DENND4C: variants seen among roughly 807,000 people sequenced by gnomAD.
The protein encoded by DENND4C is DENN domain-containing protein 4C.
A neutral mutation model predicts 203.0 loss-of-function variants in DENND4C; 108 were observed. That is an observed-to-expected ratio of 0.53 (90% CI 0.46 to 0.62). The LOEUF (loss-of-function observed/expected upper bound fraction) is 0.62, where lower values mean the gene tolerates loss of function less well. Among genes scored for constraint, DENND4C ranks in the 20% least tolerant of loss-of-function variants. The pLI, the probability that DENND4C is intolerant of heterozygous loss-of-function variation, is 0.00. For missense variants in DENND4C, 2,481 were observed against 2,301.2 expected, an observed-to-expected ratio of 1.08 and a Z score of -1.60; for synonymous variants, 871 against 792.4, an observed-to-expected ratio of 1.10 and a Z score of -1.67.
intron 26 of DENND4C, among the ~76,000 whole-genome samples, chr9:19,354,535 C>T (rs1360846119): frequency 1.4e-5 from 2 of 142,036 alleles, no homozygotes; most frequent in Admixed American, 7.1e-5. Flanking sequence ...CTCTTCATTA[C>T]TTGTTATTCT....
Position 19,325,937 on chromosome 9 carries a change from A to G in DENND4C, c.1954-2A>G. The stretch of plus-strand genomic sequence containing the variant: ...TTAAGAATCTGTTTTCTTTTTTTCT[A>G]GTTGTTTCCTGATAAAGGCACAGAG... On this transcript the variant is annotated splice_acceptor_variant, in intron 13 of 32. Transcript: ENST00000434457. LOFTEE classifies it high-confidence loss of function. The G allele has an allele frequency of 6.2e-7, 1 of 1,601,490 alleles. No individual in the cohort carries two copies. The highest frequency in any genetic ancestry group is 8.5e-7 in the Non-Finnish European group (1 of 1,174,224).
rs2132388109 is a variant in DENND4C, at chr9:19,372,861, A to AAC, written c.*689_*690insCA. Reference sequence around the variant, plus strand: ...GGGTGACAGAGTGAGACCGTCTCAAAAAAAAAAAAAAAAAAAAAAGAGAGC... The same window carrying AAC: ...GGGTGACAGAGTGAGACCGTCTCAAAACAAAAAAAAAAAAAAAAAAAGAGAGC... On this transcript the variant is annotated 3_prime_UTR_variant, in exon 33 of 33. Transcript: ENST00000434457. The AAC allele has an allele frequency of 6.8e-6, 1 of 147,666 alleles. No individual in the cohort carries two copies. The highest frequency in any genetic ancestry group is 2.6e-5 in the African/African-American group (1 of 38,540). The allele number at this position is 147,666 out of a possible 1,614,324, so 9.1% of individuals were successfully genotyped here. A position where few individuals can be genotyped will look rare whatever the true frequency, so the allele number is the denominator to read the frequency against.
At chr9:19,250,025 G>A (rs149169060) in intron 1 of DENND4C, among the ~76,000 whole-genome samples, 2 of 152,258 alleles carry the variant, frequency 1.3e-5, no homozygotes, top group Admixed American at 6.5e-5. Context: ...GTGGCTGGGC[G>A]CTGTAGCTAA....
intron 1 of DENND4C, among the ~76,000 whole-genome samples, chr9:19,263,526 T>C (rs1829846643): frequency 6.6e-6 from 1 of 151,784 alleles, no homozygotes; most frequent in South Asian, 2.1e-4. Flanking sequence ...CCTGCTAATT[T>C]TTTTGTGTTT....
intron 1 of DENND4C, among the ~76,000 whole-genome samples, chr9:19,271,365 A>G (rs2130832434): frequency 6.6e-6 from 1 of 151,816 alleles, no homozygotes; most frequent in South Asian, 2.1e-4. Flanking sequence ...ATGCCCCACT[A>G]ATGTTTTGTA....
Position 19,360,482 on chromosome 9 carries a change from G to T in DENND4C, c.5399G>T (p.Gly1800Val). Reference sequence around the variant, plus strand: ...CTCACATCTGAACATTGTAATGAAGGTGTACAGGTAGGGTGCCAACTTTTA... The same window carrying T: ...CTCACATCTGAACATTGTAATGAAGTTGTACAGGTAGGGTGCCAACTTTTA... ...LILTSEHCNE[G>V]VQLPLSSLSQ... Residue 1800 changes from glycine to valine, a missense_variant, in exon 29 of 33, where the codon GGT (glycine) becomes GTT (valine). Physicochemically the swap from Gly to Val is moderately radical, Grantham distance 109. This residue lies in a region of DENND4C where 2,289 missense variants were observed against 2,113.3 expected (regional missense o/e 1.08). Transcript: ENST00000434457. The T allele has an allele frequency of 1.2e-6, 2 of 1,614,044 alleles. No homozygotes were observed. The highest frequency in any genetic ancestry group is 1.7e-6 in the Non-Finnish European group (2 of 1,179,974).
At chr9:19,257,173 G>A (rs1371497055) in intron 1 of DENND4C, among the ~76,000 whole-genome samples, 2 of 151,294 alleles carry the variant, frequency 1.3e-5, no homozygotes, top group Admixed American at 6.6e-5. Context: ...AAAAGAAAAC[G>A]GCTATAAAAA....
chr9:19,359,872 G>A (rs571230711), intron 28 of DENND4C, among the ~76,000 whole-genome samples: 1 of 152,308 alleles, frequency 6.6e-6, no homozygotes, highest in African/African-American at 2.4e-5. Flanking sequence ...TGCCCCATCA[G>A]TTTAGAGTTG....
At chr9:19,352,427 A>G in intron 25 of DENND4C, 63 bp from the exon 26 acceptor site, 1 of 1,444,572 alleles carries the variant, frequency 6.9e-7, no homozygotes. Flanking sequence ...TTATCTCAAG[A>G]GAATTCCTGT....
intron 1 of DENND4C, among the ~76,000 whole-genome samples, chr9:19,234,271 C>T (rs1176131482): frequency 6.6e-6 from 1 of 151,834 alleles, no homozygotes; most frequent in Non-Finnish European, 1.5e-5. Flanking sequence ...CGCTCTGTTG[C>T]CCAAGCTGGA....
chr9:19,242,560 C>A (rs530638251), intron 1 of DENND4C, among the ~76,000 whole-genome samples: 14 of 152,126 alleles, frequency 9.2e-5, no homozygotes, highest in Admixed American at 7.2e-4. Flanking sequence ...TGTTAGAGTT[C>A]CTGTTCGCAT....
chr9:19,315,653 A>C (rs929616145), intron 10 of DENND4C, among the ~76,000 whole-genome samples: 1 of 151,120 alleles, frequency 6.6e-6, no homozygotes, highest in Non-Finnish European at 1.5e-5. Context: ...AAAATTTTGG[A>C]AAAAGAAGCT....
rs545025563 is a variant in DENND4C, at chr9:19,290,640, A to G, written c.629-64A>G. On this transcript the variant is annotated intron_variant, in intron 4 of 32. Transcript: ENST00000434457. Reference sequence around the variant, plus strand: ...GCATTAAAATATTCCATTAATACCTATCATATGCAATTTATGGAAAAGTAA... The same window carrying G: ...GCATTAAAATATTCCATTAATACCTGTCATATGCAATTTATGGAAAAGTAA... 13 of 1,132,232 alleles carry G rather than the reference A, an allele frequency of 1.1e-5. No individual in the cohort carries two copies. The East Asian group carries it at 2.7e-4, about 24-fold the overall frequency. 70.1% of individuals were successfully genotyped at this position (1,132,232 alleles called of 1,614,324 possible). A position where few individuals can be genotyped will look rare whatever the true frequency, so the allele number is the denominator to read the frequency against.
chr9:19,371,871 A>G, intron 32 of DENND4C, 51 bp downstream of exon 32: 1 of 1,368,294 alleles, frequency 7.3e-7, no homozygotes, highest in Non-Finnish European at 1.0e-6. Flanking sequence ...TTTTATTTTC[A>G]AAAGTAATTT....
intron 2 of DENND4C, among the ~76,000 whole-genome samples, chr9:19,279,638 C>G (rs1564113796): frequency 6.6e-6 from 1 of 151,318 alleles, no homozygotes; most frequent in Non-Finnish European, 1.5e-5. Flanking sequence ...GATTGTGCCA[C>G]TGGGCTCCAG....
intron 10 of DENND4C, among the ~76,000 whole-genome samples, chr9:19,307,910 A>G (rs1840014258): frequency 6.6e-6 from 1 of 151,920 alleles, no homozygotes; most frequent in Admixed American, 6.6e-5. Flanking sequence ...TCCAACCATC[A>G]TCTTAGATTT....
chr9:19,317,176 G>A (rs1168874971), intron 12 of DENND4C, among the ~76,000 whole-genome samples: 1 of 139,284 alleles, frequency 7.2e-6, no homozygotes, highest in Non-Finnish European at 1.5e-5. Flanking sequence ...CCTTGGATTT[G>A]TACACTTTTT....
intron 30 of DENND4C, among the ~76,000 whole-genome samples, chr9:19,363,435 C>T (rs1826923559): frequency 1.3e-5 from 2 of 151,958 alleles, no homozygotes. Flanking sequence ...TTGCTTGAAC[C>T]CGGGAGGCGG....
chr9:19,299,205 A>G (rs1838058720), intron 7 of DENND4C, 24 bp from the exon 8 acceptor site: 4 of 1,484,182 alleles, frequency 2.7e-6, no homozygotes, highest in Admixed American at 2.3e-5. Flanking sequence ...TCTTTGGTTA[A>G]TTTATCTTTT....
Sources: allele counts gnomAD v4.1 joint callset (sites outside exome capture counted in the v4.1 genomes callset), GRCh38; gene constraint gnomAD v4.1.1; regional missense constraint gnomAD v4.1.1; transcripts MANE v1.5; gene names NCBI Gene and HGNC (gene_info 2026-07-23, HGNC 2026-07-21).